Variants in CTIF observed in about 807,000 individuals in gnomAD.
CTIF encodes CBP80/20-dependent translation initiation factor.
In CTIF, 21 loss-of-function variants were observed where a neutral mutation model predicts 66.0. That is an observed-to-expected ratio of 0.32 (90% CI 0.23 to 0.46). CTIF has a LOEUF of 0.46. Ranked by LOEUF, CTIF falls within the 20% of genes least tolerant of loss-of-function variation. CTIF has a pLI of 1.00. For missense variants in CTIF, 739 were observed against 812.7 expected, an observed-to-expected ratio of 0.91 and a Z score of 1.10; for synonymous variants, 345 against 326.4, an observed-to-expected ratio of 1.06 and a Z score of -0.62.
At position 48,739,672 on chromosome 18, in the gene CTIF, G is replaced by A. The variant is rs543868739; in HGVS notation, c.585-18247G>A. Reference sequence around the variant, plus strand: ...GGTTAGCATTTCAAAATGGCGGCCCGGCAGATTGGCCCTTGGCGGGGCCCT... The same window carrying A: ...GGTTAGCATTTCAAAATGGCGGCCCAGCAGATTGGCCCTTGGCGGGGCCCT... On this transcript the variant is annotated intron_variant, in intron 7 of 11. Transcript: ENST00000256413. 1.4e-4 allele frequency among the ~76,000 whole-genome samples: 22 copies of A among 152,364 alleles called. No individual in the cohort carries two copies. In the South Asian group the frequency reaches 3.1e-3, roughly 22 times the overall value.
At chr18:48,738,582 C>T (rs2092525885) in intron 7 of CTIF, among the ~76,000 whole-genome samples, 1 of 151,602 alleles carries the variant, frequency 6.6e-6, no homozygotes, top group Admixed American at 6.6e-5. Flanking sequence ...ATGGCTTCTC[C>T]CTCCCCTCCC....
At chr18:48,822,493 AC>A (rs987646221) in intron 10 of CTIF, among the ~76,000 whole-genome samples, 4 of 62,686 alleles carry the variant, frequency 6.4e-5, no homozygotes, top group African/African-American at 2.5e-4. Flanking sequence ...TCATCTCCCC[AC>A]CCCCACCCCC....
chr18:48,619,256 T>TA (rs1387609803), intron 1 of CTIF, among the ~76,000 whole-genome samples: 1 of 152,186 alleles, frequency 6.6e-6, no homozygotes, highest in Non-Finnish European at 1.5e-5. Context: ...AAGGCCTAGG[T>TA]AGACACTAAC....
intron 10 of CTIF, among the ~76,000 whole-genome samples, chr18:48,843,552 A>G (rs2068998876): frequency 6.6e-6 from 1 of 151,754 alleles, no homozygotes; most frequent in African/African-American, 2.4e-5. Flanking sequence ...CCCCATTTAT[A>G]ATGGGGGCCC....
intron 10 of CTIF, among the ~76,000 whole-genome samples, chr18:48,830,250 C>T (rs569500026): frequency 9.9e-5 from 15 of 152,190 alleles, no homozygotes; most frequent in Non-Finnish European, 1.8e-4. Flanking sequence ...CTACAACCTC[C>T]GCCTGCCAGA....
intron 1 of CTIF, among the ~76,000 whole-genome samples, chr18:48,592,753 G>C (rs998659547): frequency 1.3e-5 from 2 of 152,220 alleles, no homozygotes; most frequent in African/African-American, 2.4e-5. Context: ...TGAGGATAGC[G>C]ATTAGCAGGG....
chr18:48,568,992 C>G (rs2089348900), intron 1 of CTIF, among the ~76,000 whole-genome samples: 1 of 152,164 alleles, frequency 6.6e-6, no homozygotes, highest in Non-Finnish European at 1.5e-5. Flanking sequence ...TCTGAGGCCT[C>G]TCTCCTTGGC....
At chr18:48,856,194 C>G (rs144420203) in intron 10 of CTIF, among the ~76,000 whole-genome samples, 1 of 152,134 alleles carries the variant, frequency 6.6e-6, no homozygotes, top group Non-Finnish European at 1.5e-5. Context: ...TTCAGGCACT[C>G]GGTGTCAGCA....
chr18:48,757,889 C>A, intron 7 of CTIF, 30 bp from the exon 8 acceptor site: 1 of 1,592,562 alleles, frequency 6.3e-7, no homozygotes, highest in Non-Finnish European at 8.6e-7. Flanking sequence ...CCAGTGATCG[C>A]CTTCTCTGTC....
chr18:48,721,750 T>TCC lies in CTIF; in HGVS notation c.584+10061_584+10062dup, dbSNP rs57491489. 1.1e-3 allele frequency among the ~76,000 whole-genome samples: 167 copies of TCC among 150,696 alleles called. 6 individuals carry two copies. The highest frequency in any genetic ancestry group is 4.6e-4 in the Admixed American group (7 of 15,188). On this transcript the variant is annotated intron_variant, in intron 7 of 11. Coordinates refer to ENST00000256413, the MANE Select transcript of CTIF (RefSeq NM_014772.3). ...TGAGTCTAACCTCAGAGAACGTGCA[T>TCC]CCCCCCCTCTCTGTCCTGACACTCA... is the stretch of plus-strand genomic sequence containing the variant.
chr18:48,714,550 A>G (rs555900901), intron 7 of CTIF, among the ~76,000 whole-genome samples: 55 of 152,144 alleles, frequency 3.6e-4, no homozygotes, highest in Admixed American at 7.2e-4. Context: ...AGCTAGGAGC[A>G]TGCAATTTCC....
intron 7 of CTIF, among the ~76,000 whole-genome samples, chr18:48,713,145 A>G (rs1568157898): frequency 1.3e-5 from 2 of 152,190 alleles, no homozygotes; most frequent in East Asian, 1.9e-4. Flanking sequence ...TAGAGGGAAG[A>G]AGGAGGCAGC....
chr18:48,552,557 G>A (rs1421897652), intron 1 of CTIF, among the ~76,000 whole-genome samples: 1 of 152,168 alleles, frequency 6.6e-6, no homozygotes, highest in Non-Finnish European at 1.5e-5. Flanking sequence ...ATGATGGAAT[G>A]GGTGAGGACG....
At chr18:48,576,172 A>C (rs16949510) in intron 1 of CTIF, among the ~76,000 whole-genome samples, 1 of 152,270 alleles carries the variant, frequency 6.6e-6, no homozygotes, top group African/African-American at 2.4e-5. Flanking sequence ...TTGGGGGTGT[A>C]TGGTCACTTG....
chr18:48,689,125 A>C (rs1216763158), intron 6 of CTIF, among the ~76,000 whole-genome samples: 1 of 152,220 alleles, frequency 6.6e-6, no homozygotes, highest in Admixed American at 6.5e-5. Flanking sequence ...GGACTGCCAC[A>C]GCATCTGGGC....
At chr18:48,731,321 G>A (rs1452575690) in intron 7 of CTIF, among the ~76,000 whole-genome samples, 1 of 152,148 alleles carries the variant, frequency 6.6e-6, no homozygotes, top group Non-Finnish European at 1.5e-5. Context: ...CACTGGGAGG[G>A]AGTAGAGAAG....
chr18:48,653,990 G>A (rs1413877419), intron 3 of CTIF, among the ~76,000 whole-genome samples: 3 of 152,162 alleles, frequency 2.0e-5, no homozygotes, highest in Non-Finnish European at 4.4e-5. Flanking sequence ...ATGGATTAAA[G>A]ACTTAAATGT....
At chr18:48,759,855 C>T (rs1908785769) in intron 8 of CTIF, among the ~76,000 whole-genome samples, 2 of 152,170 alleles carry the variant, frequency 1.3e-5, no homozygotes, top group Admixed American at 1.3e-4. Flanking sequence ...TTCAAGGACT[C>T]CACTCAGGTG....
intron 1 of CTIF, among the ~76,000 whole-genome samples, chr18:48,598,049 C>G (rs1249111508): frequency 1.3e-5 from 2 of 152,200 alleles, no homozygotes; most frequent in Admixed American, 6.5e-5. Context: ...CTGCGGCACC[C>G]TGAAGCCAAA....
Sources: gnomAD v4.1 joint callset for allele counts (sites outside exome capture counted in the v4.1 genomes callset) on GRCh38, gnomAD v4.1.1 for gene constraint, MANE v1.5 for transcripts, NCBI Gene and HGNC (gene_info 2026-07-23, HGNC 2026-07-21) for gene names.